The following ARMH3 variants were observed in gnomAD, a reference collection of about 807,000 sequenced individuals.
ARMH3 encodes armadillo-like helical domain-containing protein 3.
A neutral mutation model predicts 99.1 loss-of-function variants in ARMH3; 60 were observed. That is an observed-to-expected ratio of 0.61 (90% CI 0.49 to 0.75). The LOEUF (loss-of-function observed/expected upper bound fraction) is 0.75. Among genes scored for constraint, ARMH3 ranks in the 30% least tolerant of loss-of-function variants. The pLI is 0.00. For synonymous variants in ARMH3, 285 were observed against 292.8 expected, an observed-to-expected ratio of 0.97 and a Z score of 0.27; for missense variants, 679 against 843.1, an observed-to-expected ratio of 0.81 and a Z score of 2.41.
chr10:101,955,315 T>C (rs1301811554), intron 22 of ARMH3, among the ~76,000 whole-genome samples: 1 of 152,228 alleles, frequency 6.6e-6, no homozygotes, highest in East Asian at 1.9e-4. Context: ...GTAGACATTG[T>C]TGAGCAACTG....
At chr10:102,008,538 TTGTTA>T (rs1443152988) in intron 13 of ARMH3, among the ~76,000 whole-genome samples, 1 of 151,678 alleles carries the variant, frequency 6.6e-6, no homozygotes, top group Admixed American at 6.6e-5. Flanking sequence ...TTGTTTTATT[TTGTTA>T]TGTTTTGTTT....
intron 20 of ARMH3, among the ~76,000 whole-genome samples, chr10:101,967,383 A>G (rs1845583570): frequency 6.6e-6 from 1 of 152,200 alleles, no homozygotes; most frequent in South Asian, 2.1e-4. Flanking sequence ...CAGCAGGCTC[A>G]CTGTCAATCA....
chr10:101,930,481 A>C (rs987823944), intron 23 of ARMH3, among the ~76,000 whole-genome samples: 2 of 152,136 alleles, frequency 1.3e-5, no homozygotes, highest in Non-Finnish European at 2.9e-5. Context: ...CAGAGATAAG[A>C]ACATGTTGGT....
chr10:101,907,582 C>G (rs1274259155), intron 23 of ARMH3, among the ~76,000 whole-genome samples: 1 of 152,084 alleles, frequency 6.6e-6, no homozygotes, highest in African/African-American at 2.4e-5. Context: ...CAGGATTACT[C>G]CATTTCAGCC....
intron 22 of ARMH3, among the ~76,000 whole-genome samples, chr10:101,943,389 T>C (rs1297097089): frequency 6.6e-6 from 1 of 152,172 alleles, no homozygotes; most frequent in Non-Finnish European, 1.5e-5. Flanking sequence ...TAGTAACACA[T>C]GGAGTATCAG....
At chr10:101,931,095 A>G (rs1843700883) in intron 23 of ARMH3, among the ~76,000 whole-genome samples, 1 of 152,236 alleles carries the variant, frequency 6.6e-6, no homozygotes, top group Admixed American at 6.5e-5. Context: ...CAGCAGAGGA[A>G]TGAGCAAACC....
intron 23 of ARMH3, among the ~76,000 whole-genome samples, chr10:101,896,815 CTG>C (rs2067848756): frequency 6.6e-6 from 1 of 152,208 alleles, no homozygotes. Context: ...AGAGAGGGCT[CTG>C]TGGTGCAATA....
chr10:101,933,319 C>T (rs1047555398), intron 23 of ARMH3, among the ~76,000 whole-genome samples: 7 of 152,208 alleles, frequency 4.6e-5, no homozygotes, highest in African/African-American at 1.7e-4. Flanking sequence ...GGTTTAGATG[C>T]TAAAGTCACA....
intron 23 of ARMH3, among the ~76,000 whole-genome samples, chr10:101,900,275 C>T (rs561534871): frequency 2.8e-4 from 42 of 152,252 alleles, no homozygotes; most frequent in African/African-American, 9.1e-4. Flanking sequence ...TTCCTATTTC[C>T]CTTTTCCTGG....
chr10:102,013,505 A>C (rs889349795), intron 9 of ARMH3, among the ~76,000 whole-genome samples: 1 of 152,208 alleles, frequency 6.6e-6, no homozygotes, highest in African/African-American at 2.4e-5. Flanking sequence ...CTTCCTCCCT[A>C]TATTCAGAGA....
intron 19 of ARMH3, among the ~76,000 whole-genome samples, chr10:101,978,388 T>C (rs1460157080): frequency 6.6e-6 from 1 of 152,164 alleles, no homozygotes; most frequent in Non-Finnish European, 1.5e-5. Flanking sequence ...CCTCAAAGAA[T>C]ATTGATAAAA....
At chr10:101,879,116 T>A (rs1041875701) in intron 24 of ARMH3, among the ~76,000 whole-genome samples, 1 of 152,184 alleles carries the variant, frequency 6.6e-6, no homozygotes, top group Non-Finnish European at 1.5e-5. Flanking sequence ...TTCACTCTCC[T>A]TCCTTCTTTC....
intron 23 of ARMH3, among the ~76,000 whole-genome samples, chr10:101,930,314 T>C (rs1331849281): frequency 1.3e-5 from 2 of 152,048 alleles, no homozygotes; most frequent in Non-Finnish European, 2.9e-5. Context: ...AGGACTTTCT[T>C]CAACCTGATA....
At chr10:101,900,498 A>G (rs2067947211) in intron 23 of ARMH3, among the ~76,000 whole-genome samples, 1 of 152,232 alleles carries the variant, frequency 6.6e-6, no homozygotes, top group South Asian at 2.1e-4. Context: ...AATGGTGAAC[A>G]TTCCAATCTC....
rs1298097203 is a variant in ARMH3 at position 101,993,489 on chromosome 10, T to C, written c.1275+49A>G. The stretch of plus-strand genomic sequence containing the variant: ...CAATTTCATCCCAACCCTGCCGACA[T>C]ACAAAAAATTTCCTCTAAGAAAAAA... On this transcript the variant is annotated intron_variant, in intron 17 of 25. Transcript: ENST00000370033. 7.1e-6 allele frequency: 10 copies of C among 1,410,446 alleles called. No individual in the cohort carries two copies. The African/African-American group carries it at 8.7e-5, about 12-fold the overall frequency. 87.4% of individuals were successfully genotyped at this position (1,410,446 alleles called of 1,614,324 possible).
chr10:101,899,378 G>T (rs980778031), intron 23 of ARMH3, among the ~76,000 whole-genome samples: 7 of 152,196 alleles, frequency 4.6e-5, no homozygotes, highest in African/African-American at 1.4e-4. Context: ...ACTGGCTTTT[G>T]AGAAGGGGTA....
intron 23 of ARMH3, among the ~76,000 whole-genome samples, chr10:101,931,211 A>C (rs1271481411): frequency 6.6e-6 from 1 of 152,216 alleles, no homozygotes; most frequent in Non-Finnish European, 1.5e-5. Flanking sequence ...AAGTTAAGAA[A>C]TCTGAGCTGT....
intron 19 of ARMH3, among the ~76,000 whole-genome samples, chr10:101,976,721 C>T (rs985027285): frequency 1.3e-5 from 2 of 152,076 alleles, no homozygotes; most frequent in Non-Finnish European, 2.9e-5. Context: ...ACCAGTCTTA[C>T]TTATAAATAA....
chr10:101,907,198 A>G (rs1375627375), intron 23 of ARMH3, among the ~76,000 whole-genome samples: 3 of 152,168 alleles, frequency 2.0e-5, no homozygotes, highest in Non-Finnish European at 4.4e-5. Context: ...ACATTTATAG[A>G]TATAATTTGC....
Sources: allele counts gnomAD v4.1 joint callset (sites outside exome capture counted in the v4.1 genomes callset), GRCh38; gene constraint gnomAD v4.1.1; transcripts MANE v1.5; gene names NCBI Gene and HGNC (gene_info 2026-07-23, HGNC 2026-07-21).